The following EXD3 variants were observed in gnomAD, a reference collection of about 807,000 sequenced individuals.
EXD3 encodes exonuclease 3'-5' domain containing 3, also known as exonuclease mut-7 homolog.
In EXD3, 92 loss-of-function variants were observed where a neutral mutation model predicts 98.0. The ratio of observed to expected loss-of-function variants is 0.94; its 90% CI spans 0.79 to 1.12. The LOEUF is 1.12. EXD3 is among the 50% of genes most tolerant of loss of function. The pLI is 0.00. For missense variants in EXD3, 1,222 were observed against 1,191.6 expected (o/e 1.03, Z -0.38); for synonymous variants, 569 against 526.0 (o/e 1.08, Z -1.12).
intron 2 of EXD3, among the ~76,000 whole-genome samples, chr9:137,391,483 G>A (rs1157960014): frequency 1.3e-5 from 2 of 152,220 alleles, no homozygotes; most frequent in Admixed American, 6.5e-5. Flanking sequence ...AAGATGGGGA[G>A]GAGCGGCGGA....
chr9:137,370,841 G>A (rs1835554949), intron 5 of EXD3, among the ~76,000 whole-genome samples: 1 of 146,594 alleles, frequency 6.8e-6, no homozygotes, highest in South Asian at 2.1e-4. Flanking sequence ...ACCTTGATAA[G>A]CTGTTTAAAA....
intron 2 of EXD3, 66 bp from the exon 3 acceptor site, chr9:137,383,443 G>A (rs1056378395): frequency 1.7e-5 from 22 of 1,276,338 alleles, no homozygotes; most frequent in East Asian, 1.6e-4. Context: ...ACAGCCCGCC[G>A]GGAAGTCCCT....
At chr9:137,363,355 T>G (rs1469634161) in intron 7 of EXD3, among the ~76,000 whole-genome samples, 36 of 59,146 alleles carry the variant, frequency 6.1e-4, no homozygotes, top group Non-Finnish European at 8.7e-4. Flanking sequence ...TTTTTTTTTT[T>G]GGGACAGAAT....
chr9:137,420,715 G>C (rs553685803), intron 1 of EXD3, among the ~76,000 whole-genome samples: 28 of 149,576 alleles, frequency 1.9e-4, no homozygotes, highest in African/African-American at 6.1e-4. Context: ...AAGATAGTTT[G>C]GGACCTGGAG....
intron 1 of EXD3, among the ~76,000 whole-genome samples, chr9:137,399,615 C>T (rs563027276): frequency 1.4e-4 from 22 of 152,250 alleles, no homozygotes; most frequent in Middle Eastern, 3.4e-3. Flanking sequence ...TTCATTTTCA[C>T]GCTGCTGATA....
intron 8 of EXD3, among the ~76,000 whole-genome samples, chr9:137,355,458 GGAGAAA>G (rs1564508033): frequency 3.2e-5 from 4 of 125,384 alleles, no homozygotes; most frequent in Admixed American, 7.6e-5. Flanking sequence ...GATGGAGGAA[GGAGAAA>G]GGAGGAAGGA....
In EXD3 at chr9:137,395,534, C is replaced by T; in HGVS notation, c.-47-130G>A. The T allele has an allele frequency of 1.1e-5, 9 of 802,268 alleles. No individual in the cohort carries two copies. The highest frequency in any genetic ancestry group is 8.6e-5 in the South Asian group (5 of 58,380). 49.7% of individuals were successfully genotyped at this position (802,268 alleles called of 1,614,324 possible). A position where few individuals can be genotyped will look rare whatever the true frequency, so the allele number is the denominator to read the frequency against. On this transcript the variant is annotated intron_variant, in intron 1 of 21. Coordinates refer to ENST00000340951, the MANE Select transcript of EXD3 (RefSeq NM_017820.5). The surrounding 1 kb of genome is among the most constrained non-coding windows in gnomAD (Gnocchi z 6.5). ...GGGGGGCCCAAGTGGGACCCCCAGT[C>T]GCTGAGCATAGCGGGCAGCTCCACA...
chr9:137,419,082 T>C (rs959998152), intron 1 of EXD3, among the ~76,000 whole-genome samples: 1 of 151,912 alleles, frequency 6.6e-6, no homozygotes, highest in African/African-American at 2.4e-5. Flanking sequence ...CCAAGGGAGA[T>C]GTACGAGGCT....
intron 2 of EXD3, chr9:137,391,962 G>T (rs969099772): frequency 6.6e-6 from 1 of 152,202 alleles, no homozygotes; most frequent in African/African-American, 2.4e-5. Flanking sequence ...AGCCTCCCCA[G>T]TAGCTGGGAA....
chr9:137,366,033 C>A (rs186151979), intron 7 of EXD3: 1 of 639,894 alleles, frequency 1.6e-6, no homozygotes, highest in East Asian at 3.1e-5. Flanking sequence ...CATACATGCA[C>A]ACACATGCAC....
chr9:137,366,558 C>T lies in EXD3; in HGVS notation c.591G>A (p.Gln197=), dbSNP rs1213287333. The T allele has an allele frequency of 9.0e-6, 14 of 1,552,206 alleles. No homozygotes were observed. Among genetic ancestry groups the T allele is most frequent in the Non-Finnish European group, 1.2e-5 (14 of 1,148,174 alleles). The change falls in exon 7 of 22, where the codon CAG becomes CAA. Residue 197 remains glutamine (Q), a synonymous_variant. Transcript: ENST00000340951. ...ERYVAGFPDL[Q]RRLLVLMDSW... Reference sequence around the variant, plus strand: ...AATCCATGAGGACCAGCAGCCTCCTCTGGAGGTCCGGGAAGCCGGCCACAT... The same window carrying T: ...AATCCATGAGGACCAGCAGCCTCCTTTGGAGGTCCGGGAAGCCGGCCACAT...
chr9:137,377,206 T>C (rs1835953270), intron 3 of EXD3: 1 of 152,112 alleles, frequency 6.6e-6, no homozygotes, highest in Non-Finnish European at 1.5e-5. Flanking sequence ...CCCAGCACTT[T>C]GAGAAGACGA....
rs1409048289 is a variant in EXD3 at position 137,356,345 on chromosome 9, AAGG to A, written c.677_679del (p.Ser226del). 1 of 1,603,520 alleles carries A rather than the reference AAGG, an allele frequency of 6.2e-7. No individual in the cohort carries two copies. On this transcript the variant is annotated inframe_deletion, in exon 8 of 22. Transcript: ENST00000340951. Reference sequence around the variant, plus strand: ...CTTCGGACTCAGCTTCTCCAGGCTCAAGGAGGTCACCTCAGGGTACCGTCTGTG... The same window carrying A: ...CTTCGGACTCAGCTTCTCCAGGCTCAAGGTCACCTCAGGGTACCGTCTGTG...
chr9:137,392,906 C>A, intron 2 of EXD3: 1 of 424,642 alleles, frequency 2.4e-6, no homozygotes, highest in South Asian at 1.9e-5. Flanking sequence ...GGCACCATGT[C>A]TGTTCTGGCG....
intron 1 of EXD3, among the ~76,000 whole-genome samples, chr9:137,408,131 G>A (rs1377134555): frequency 6.6e-6 from 1 of 152,146 alleles, no homozygotes; most frequent in African/African-American, 2.4e-5. Flanking sequence ...GTTCGACTGC[G>A]CTGCGTGGGT....
chr9:137,364,424 G>A (rs1835121757), intron 7 of EXD3, among the ~76,000 whole-genome samples: 1 of 151,896 alleles, frequency 6.6e-6, no homozygotes, highest in African/African-American at 2.4e-5. Context: ...GGGTTCGGGA[G>A]CAGCCTGGCC....
At chr9:137,396,619 G>A (rs1293289902) in intron 1 of EXD3, among the ~76,000 whole-genome samples, 3 of 152,108 alleles carry the variant, frequency 2.0e-5, no homozygotes, top group African/African-American at 7.2e-5. Flanking sequence ...CTCACCTGTC[G>A]GCCAACACGC....
chr9:137,329,100 C>T (rs1832747912), intron 17 of EXD3, among the ~76,000 whole-genome samples: 1 of 13,718 alleles, frequency 7.3e-5, no homozygotes, highest in Admixed American at 5.6e-4. Context: ...CGGGACTACA[C>T]GGGGCTACAC....
intron 13 of EXD3, 52 bp from the exon 14 acceptor site, chr9:137,351,199 G>C: frequency 1.3e-6 from 2 of 1,538,528 alleles, no homozygotes; most frequent in Non-Finnish European, 1.8e-6. Flanking sequence ...GGACCGCACT[G>C]TCCCCTGACC....
Sources: gnomAD v4.1 joint callset for allele counts (sites outside exome capture counted in the v4.1 genomes callset) on GRCh38, gnomAD v4.1.1 for gene constraint, Gnocchi (gnomAD v3.1) non-coding constraint, MANE v1.5 for transcripts, NCBI Gene and HGNC (gene_info 2026-07-23, HGNC 2026-07-21) for gene names.